RGS6: variants seen among roughly 807,000 people sequenced by gnomAD.
The protein encoded by RGS6 is regulator of G protein signaling 6.
In RGS6, 30 loss-of-function variants were observed where a neutral mutation model predicts 78.5. The ratio of observed to expected loss-of-function variants is 0.38; its 90% CI spans 0.29 to 0.52. The LOEUF is 0.52. RGS6 is among the 20% of genes least tolerant of loss of function. The pLI, the probability that RGS6 is intolerant of heterozygous loss-of-function variation, is 0.85. For missense variants in RGS6, 495 were observed against 609.7 expected (o/e 0.81, Z 1.98); for synonymous variants, 206 against 206.0 (o/e 1.00, Z 0.00).
intron 2 of RGS6, among the ~76,000 whole-genome samples, chr14:72,139,014 A>T (rs2096495368): frequency 6.6e-6 from 1 of 152,158 alleles, no homozygotes; most frequent in Non-Finnish European, 1.5e-5. Flanking sequence ...ATTGTCTTCC[A>T]TGAAACCAGT....
intron 2 of RGS6, among the ~76,000 whole-genome samples, chr14:72,296,836 G>A (rs2064935779): frequency 6.6e-6 from 1 of 152,080 alleles, no homozygotes; most frequent in African/African-American, 2.4e-5. Context: ...TTCTGTGTTT[G>A]AAGGAATCTT....
At chr14:71,997,972 T>C (rs1198259699) in intron 2 of RGS6, among the ~76,000 whole-genome samples, 1 of 152,198 alleles carries the variant, frequency 6.6e-6, no homozygotes, top group Admixed American at 6.5e-5. Flanking sequence ...AAAGTGTATT[T>C]TGCCAAGGTT....
At chr14:72,237,730 C>T (rs2051493786) in intron 2 of RGS6, among the ~76,000 whole-genome samples, 1 of 152,090 alleles carries the variant, frequency 6.6e-6, no homozygotes, top group Non-Finnish European at 1.5e-5. Context: ...GCTCAAACCC[C>T]CTGCCTGAGA....
At chr14:72,419,977 G>C (rs931759487) in intron 3 of RGS6, among the ~76,000 whole-genome samples, 1 of 152,246 alleles carries the variant, frequency 6.6e-6, no homozygotes, top group Non-Finnish European at 1.5e-5. Context: ...GGGAAGGCCA[G>C]GAAGGCTGTC....
At chr14:71,895,630 TCA>T in the RGS6 span, among the ~76,000 whole-genome samples, 1 of 152,180 alleles carries the variant, frequency 6.6e-6, no homozygotes, top group East Asian at 1.9e-4. Context: ...AGCAGATGGC[TCA>T]GTCTTAATGG....
At chr14:72,136,415 A>G (rs2096442258) in intron 2 of RGS6, among the ~76,000 whole-genome samples, 1 of 148,050 alleles carries the variant, frequency 6.8e-6, no homozygotes, top group Admixed American at 7.4e-5. Context: ...GGGTAATTTA[A>G]AAGGAAAGAG....
At chr14:72,465,849 A>T (rs369340675) in intron 7 of RGS6, 27 bp downstream of exon 7, 47 of 1,575,992 alleles carry the variant, frequency 3.0e-5, no homozygotes, top group Non-Finnish European at 4.1e-5. Context: ...TCCAGGATAC[A>T]TATAAGAAGA....
At chr14:72,580,663 G>C in the RGS6 span, among the ~76,000 whole-genome samples, 1 of 152,230 alleles carries the variant, frequency 6.6e-6, no homozygotes, top group African/African-American at 2.4e-5. Context: ...GCCAAATGCA[G>C]GTGGAGAATG....
chr14:72,568,141 C>A (rs576832214), downstream of RGS6, among the ~76,000 whole-genome samples: 1 of 152,322 alleles, frequency 6.6e-6, no homozygotes, highest in South Asian at 2.1e-4. Flanking sequence ...TGTCTCCTGG[C>A]CAGGTCTGGC....
intron 2 of RGS6, among the ~76,000 whole-genome samples, chr14:72,321,198 T>C (rs1231406093): frequency 6.6e-6 from 1 of 151,856 alleles, no homozygotes; most frequent in African/African-American, 2.4e-5. Context: ...TAAGGGTTAG[T>C]TACAAAGGTG....
intron 2 of RGS6, among the ~76,000 whole-genome samples, chr14:72,319,765 G>A (rs990943568): frequency 2.6e-5 from 4 of 152,094 alleles, no homozygotes. Context: ...CAAACAAAAC[G>A]GAAACAACAG....
the RGS6 span, among the ~76,000 whole-genome samples, chr14:72,593,955 TG>T: frequency 1.8e-3 from 5 of 2,766 alleles, no homozygotes; most frequent in Non-Finnish European, 3.4e-3. Flanking sequence ...ATCAGAGGGG[TG>T]GGGGGGTGGG....
intron 2 of RGS6, among the ~76,000 whole-genome samples, chr14:72,343,090 C>T (rs533070240): frequency 3.9e-5 from 6 of 152,286 alleles, no homozygotes; most frequent in Non-Finnish European, 7.4e-5. Context: ...TGTGTGTATT[C>T]GTTTTCTATT....
At chr14:72,130,447 T>G (rs2096289977) in intron 2 of RGS6, among the ~76,000 whole-genome samples, 1 of 152,174 alleles carries the variant, frequency 6.6e-6, no homozygotes, top group South Asian at 2.1e-4. Context: ...TAATTATGTA[T>G]CCATGTGGCT....
the RGS6 span, among the ~76,000 whole-genome samples, chr14:71,901,957 G>A: frequency 6.6e-6 from 1 of 152,122 alleles, no homozygotes; most frequent in African/African-American, 2.4e-5. Context: ...CTTTTATCAG[G>A]CAAATAAGGA....
intron 2 of RGS6, among the ~76,000 whole-genome samples, chr14:72,204,223 C>T (rs1373237193): frequency 6.6e-6 from 1 of 152,116 alleles, no homozygotes; most frequent in Non-Finnish European, 1.5e-5. Context: ...TTTCATCACC[C>T]CAAACAGAAA....
intron 17 of RGS6, chr14:72,540,406 C>A (rs1346601378): frequency 1.4e-6 from 2 of 1,458,028 alleles, no homozygotes; most frequent in East Asian, 5.0e-5. Flanking sequence ...CGGGGCTGTG[C>A]GGTTTGTGCA....
At chr14:72,536,709 T>C (rs576865989) in intron 16 of RGS6, among the ~76,000 whole-genome samples, 6 of 152,076 alleles carry the variant, frequency 3.9e-5, no homozygotes, top group African/African-American at 1.4e-4. Flanking sequence ...GAGGCCAGGG[T>C]TGGGGCAGCT....
chr14:72,264,923 C>G (rs2058780917), intron 2 of RGS6, among the ~76,000 whole-genome samples: 1 of 152,200 alleles, frequency 6.6e-6, no homozygotes, highest in Non-Finnish European at 1.5e-5. Flanking sequence ...GTACCACGTT[C>G]TGGTGCTTGG....
Sources: allele counts gnomAD v4.1 joint callset (sites outside exome capture counted in the v4.1 genomes callset), GRCh38; gene constraint gnomAD v4.1.1; transcripts MANE v1.5; gene names NCBI Gene and HGNC (gene_info 2026-07-23, HGNC 2026-07-21).